Variants in ACOXL observed in about 807,000 individuals in gnomAD.
ACOXL encodes the protein acyl-coenzyme A oxidase-like protein.
Under a neutral mutation model 71.9 loss-of-function variants are expected in ACOXL, and 70 were observed. That is an observed-to-expected ratio of 0.97 (90% CI 0.80 to 1.19). ACOXL has a LOEUF of 1.19. Ranked by LOEUF, ACOXL falls within the 50% of genes most tolerant of loss-of-function variation. The probability of loss-of-function intolerance (pLI) is 0.00; values close to 1 mark genes in which losing one functional copy is unlikely to be tolerated. For missense variants in ACOXL, 703 were observed against 736.3 expected (o/e 0.95, Z 0.52); for synonymous variants, 253 against 281.6 (o/e 0.90, Z 1.02).
intron 1 of ACOXL, among the ~76,000 whole-genome samples, chr2:110,742,210 T>C (rs139821716): frequency 3.3e-5 from 5 of 152,290 alleles, no homozygotes; most frequent in African/African-American, 1.2e-4. Context: ...ATATGGGTAA[T>C]TTTGTAAAGG....
chr2:110,914,850 AT>A (rs2059779658), intron 11 of ACOXL, among the ~76,000 whole-genome samples: 1 of 152,176 alleles, frequency 6.6e-6, no homozygotes, highest in Non-Finnish European at 1.5e-5. Flanking sequence ...TTGTGGGTAT[AT>A]AGTAGGTGTT....
At chr2:111,110,671 C>G (rs963071163) in intron 17 of ACOXL, among the ~76,000 whole-genome samples, 2 of 152,202 alleles carry the variant, frequency 1.3e-5, no homozygotes, top group Non-Finnish European at 2.9e-5. Context: ...TGTGTGGAAG[C>G]TTCTGTGGAT....
chr2:111,093,588 G>C (rs2068652638), intron 17 of ACOXL: 1 of 1,579,540 alleles, frequency 6.3e-7, no homozygotes, highest in Admixed American at 1.7e-5. Context: ...ATACTGGCCA[G>C]GTGCAGTGGC....
At chr2:110,797,356 G>T (rs1685407842) in intron 5 of ACOXL, among the ~76,000 whole-genome samples, 1 of 152,192 alleles carries the variant, frequency 6.6e-6, no homozygotes, top group Non-Finnish European at 1.5e-5. Flanking sequence ...TCCTAAGAAA[G>T]AGACTCATTT....
chr2:110,737,054 A>T (rs1168229962), intron 1 of ACOXL, among the ~76,000 whole-genome samples: 1 of 152,142 alleles, frequency 6.6e-6, no homozygotes, highest in East Asian at 1.9e-4. Context: ...TCATATACAC[A>T]TGTGCACATC....
At chr2:111,052,409 C>G (rs2066335071) in intron 16 of ACOXL, among the ~76,000 whole-genome samples, 1 of 151,990 alleles carries the variant, frequency 6.6e-6, no homozygotes, top group Admixed American at 6.6e-5. Flanking sequence ...ATCCTTGTTG[C>G]TGGGGGTCCT....
At chr2:110,814,410 G>A (rs1381391749) in intron 9 of ACOXL, among the ~76,000 whole-genome samples, 3 of 152,016 alleles carry the variant, frequency 2.0e-5, no homozygotes, top group Non-Finnish European at 4.4e-5. Flanking sequence ...CACTTATTAA[G>A]TGTGTCCAGT....
In ACOXL at chr2:111,117,912, C is replaced by T; in HGVS notation, c.*96C>T. ...GTGGCCGAGGCCGGGGGCTGGCACC[C>T]GCTGGGCCGCCACTCTCGGGGATTT... On this transcript the variant is annotated 3_prime_UTR_variant, in exon 18 of 18. Transcript: ENST00000439055. The T allele has an allele frequency of 2.9e-6, 4 of 1,360,702 alleles. No homozygotes were observed. The highest frequency in any genetic ancestry group is 3.9e-6 in the Non-Finnish European group (4 of 1,021,536). The allele number at this position is 1,360,702 out of a possible 1,614,324, so 84.3% of individuals were successfully genotyped here.
chr2:110,868,839 C>T (rs533898209), intron 10 of ACOXL, among the ~76,000 whole-genome samples: 26 of 152,238 alleles, frequency 1.7e-4, no homozygotes, highest in South Asian at 2.1e-4. Context: ...GATCCTCCCA[C>T]CTCAGCCTCT....
chr2:110,924,681 A>G (rs1424019025), intron 11 of ACOXL, among the ~76,000 whole-genome samples: 1 of 152,018 alleles, frequency 6.6e-6, no homozygotes, highest in African/African-American at 2.4e-5. Context: ...CCATATCTAC[A>G]GTGACTTTCT....
intron 17 of ACOXL, among the ~76,000 whole-genome samples, chr2:111,116,754 C>T (rs1441804989): frequency 4.1e-5 from 5 of 122,258 alleles, no homozygotes; most frequent in African/African-American, 1.5e-4. Flanking sequence ...AAAGCCGTCC[C>T]TCTGCCCTTG....
chr2:110,809,627 A>C (rs913014718), intron 9 of ACOXL, among the ~76,000 whole-genome samples: 2 of 152,144 alleles, frequency 1.3e-5, no homozygotes, highest in Non-Finnish European at 2.9e-5. Flanking sequence ...GGTATGAGTG[A>C]AGGGTCTCAG....
chr2:111,075,373 G>A (rs2067549660), intron 16 of ACOXL, among the ~76,000 whole-genome samples: 1 of 152,068 alleles, frequency 6.6e-6, no homozygotes, highest in Non-Finnish European at 1.5e-5. Context: ...AATTATGTGT[G>A]TAAGGTTGTT....
At chr2:111,041,660 G>T (rs1453296078) in intron 15 of ACOXL, among the ~76,000 whole-genome samples, 2 of 152,208 alleles carry the variant, frequency 1.3e-5, no homozygotes, top group Non-Finnish European at 2.9e-5. Flanking sequence ...GCAGCCTTTG[G>T]CCATGGTGAG....
intron 3 of ACOXL, among the ~76,000 whole-genome samples, chr2:110,789,346 G>A (rs747036437): frequency 6.6e-6 from 1 of 152,200 alleles, no homozygotes; most frequent in Non-Finnish European, 1.5e-5. Context: ...CTCCATGGCT[G>A]TTCTATTTTG....
At chr2:110,919,167 C>G (rs915733020) in intron 11 of ACOXL, among the ~76,000 whole-genome samples, 27 of 152,078 alleles carry the variant, frequency 1.8e-4, no homozygotes, top group African/African-American at 6.5e-4. Context: ...AAATGCCCAT[C>G]AATGATAGAC....
intron 16 of ACOXL, among the ~76,000 whole-genome samples, chr2:111,060,907 G>T (rs1348040976): frequency 1.3e-5 from 2 of 152,162 alleles, no homozygotes; most frequent in Non-Finnish European, 2.9e-5. Context: ...CTCAACAGCA[G>T]AATGGAGAGA....
In ACOXL at chr2:110,908,861, G is replaced by A. The variant is rs750504682; in HGVS notation, c.861G>A (p.Leu287=). Residue 287 remains leucine, a synonymous_variant, in exon 11 of 18, where the codon CTG becomes CTA. Coordinates refer to ENST00000439055, the MANE Select transcript of ACOXL (RefSeq NM_001142807.4). ...AGCACCAAACACAGACCCTGCGGCT[G>A]ATGCCCCACCTGGCCACAGCCTTGG... is the stretch of plus-strand genomic sequence containing the variant. ...IIEHQTQTLR[L]MPHLATALAL... is the part of the protein sequence containing the mutation. 4 of 1,614,028 alleles carry A rather than the reference G, an allele frequency of 2.5e-6. No individual in the cohort carries two copies. Among genetic ancestry groups the A allele is most frequent in the South Asian group, 1.1e-5 (1 of 91,034 alleles).
chr2:110,872,004 A>G (rs1284609262), intron 10 of ACOXL, among the ~76,000 whole-genome samples: 1 of 152,226 alleles, frequency 6.6e-6, no homozygotes, highest in Non-Finnish European at 1.5e-5. Flanking sequence ...ATTGCTCACA[A>G]AATATATGCC....
Sources: allele counts gnomAD v4.1 joint callset (sites outside exome capture counted in the v4.1 genomes callset), GRCh38; gene constraint gnomAD v4.1.1; transcripts MANE v1.5; gene names NCBI Gene and HGNC (gene_info 2026-07-23, HGNC 2026-07-21).